The following RARB variants were observed in gnomAD, a reference collection of about 807,000 sequenced individuals.
RARB encodes retinoic acid receptor beta.
Under a neutral mutation model 51.9 loss-of-function variants are expected in RARB, and 17 were observed. That is an observed-to-expected ratio of 0.33 (90% CI 0.22 to 0.49). The LOEUF (loss-of-function observed/expected upper bound fraction) is 0.49, where lower values mean the gene tolerates loss of function less well. Ranked by LOEUF, RARB falls within the 20% of genes least tolerant of loss-of-function variation. The pLI, the probability that RARB is intolerant of heterozygous loss-of-function variation, is 0.99. For synonymous variants in RARB, 215 were observed against 195.4 expected (o/e 1.10, Z -0.84); for missense variants, 369 against 550.8 (o/e 0.67, Z 3.30).
At chr3:25,186,940 T>TGTGTGTGTGTGTGTGTGTG (rs1553641069) in intron 5 of RARB, among the ~76,000 whole-genome samples, 1 of 148,464 alleles carries the variant, frequency 6.7e-6, no homozygotes, top group African/African-American at 2.5e-5. Flanking sequence ...TGTGTGTGTG[T>TGTGTGTGTGTGTGTGTGTG]TTTCCTGCTA....
intron 2 of RARB, among the ~76,000 whole-genome samples, chr3:24,957,504 A>G (rs535398037): frequency 1.3e-5 from 2 of 152,240 alleles, no homozygotes; most frequent in Non-Finnish European, 2.9e-5. Flanking sequence ...GACCAAAGAA[A>G]AAGATCCAGT....
rs929637799 is a variant in RARB at position 25,207,478 on chromosome 3, A to G, written c.178+32903A>G. Among the ~76,000 whole-genome samples, 6 of 152,366 alleles carry G rather than the reference A, an allele frequency of 3.9e-5. No homozygotes were observed. The South Asian group carries it at 6.2e-4, about 16-fold the overall frequency. ...TTCTGAATAATAGTAGGAAGGTTAT[A>G]TATCAAACACAGGTTATATATAAAA... On this transcript the variant is annotated intron_variant, in intron 5 of 11. Transcript: ENST00000383772.
At chr3:24,864,300 C>G (rs1053596888) in intron 2 of RARB, among the ~76,000 whole-genome samples, 61 of 152,240 alleles carry the variant, frequency 4.0e-4, no homozygotes, top group African/African-American at 1.4e-3. Context: ...TTTATCTTAT[C>G]GACCTGGTTC....
chr3:25,158,996 C>T (rs1039114680), intron 4 of RARB, among the ~76,000 whole-genome samples: 15 of 151,786 alleles, frequency 9.9e-5, no homozygotes, highest in African/African-American at 3.4e-4. Flanking sequence ...GGCCAGAGCT[C>T]GGTCTTATGC....
At chr3:25,429,486 G>A (rs1164927446) in intron 1 of RARB, among the ~76,000 whole-genome samples, 3 of 152,132 alleles carry the variant, frequency 2.0e-5, no homozygotes, top group Non-Finnish European at 4.4e-5. Flanking sequence ...TCTTAGCATT[G>A]ACCCTGCTGC....
chr3:25,447,732 T>C (rs7647962), intron 1 of RARB, among the ~76,000 whole-genome samples: 1 of 152,166 alleles, frequency 6.6e-6, no homozygotes, highest in Non-Finnish European at 1.5e-5. Flanking sequence ...AGAGCACTTC[T>C]GATTAATGCC....
At chr3:25,512,339 C>T (rs767099325) in intron 3 of RARB, among the ~76,000 whole-genome samples, 6 of 152,150 alleles carry the variant, frequency 3.9e-5, no homozygotes, top group African/African-American at 1.2e-4. Context: ...TCAAATCTAC[C>T]CCCACAAAGC....
chr3:25,002,134 A>G (rs544572986), intron 2 of RARB, among the ~76,000 whole-genome samples: 1 of 152,240 alleles, frequency 6.6e-6, no homozygotes, highest in East Asian at 1.9e-4. Context: ...TGGGCTCCTG[A>G]AGTTAAAATG....
rs571035119 is a variant in RARB at position 25,482,700 on chromosome 3, C to T, written c.307-18482C>T. Among the ~76,000 whole-genome samples the T allele has an allele frequency of 7.3e-5, 11 of 151,482 alleles. No individual in the cohort carries two copies. In the East Asian group the frequency reaches 7.8e-4, roughly 11 times the overall value. ...GACTACAGGCGCGTGCCACCATGCC[C>T]GGCTATTTTTTTGTATTTTTAGTAG... On this transcript the variant is annotated intron_variant, in intron 2 of 7. Transcript: ENST00000330688.
chr3:25,211,655 C>A (rs865982438), intron 5 of RARB, among the ~76,000 whole-genome samples: 11 of 152,066 alleles, frequency 7.2e-5, no homozygotes, highest in African/African-American at 2.4e-4. Flanking sequence ...GATTGACAAA[C>A]TTTTTTTTAT....
chr3:25,558,891 C>T (rs927138534), intron 3 of RARB, among the ~76,000 whole-genome samples: 2 of 152,050 alleles, frequency 1.3e-5, no homozygotes, highest in Admixed American at 1.3e-4. Flanking sequence ...GCATATTTTT[C>T]CTTGCGGTGA....
chr3:25,329,804 G>A (rs966135011), intron 5 of RARB, among the ~76,000 whole-genome samples: 2 of 152,162 alleles, frequency 1.3e-5, no homozygotes, highest in African/African-American at 4.8e-5. Flanking sequence ...AATAACCAGT[G>A]TAGAGAAGTC....
chr3:25,388,985 A>G lies in RARB; in HGVS notation c.179-72208A>G, dbSNP rs927931482. Among the ~76,000 whole-genome samples the G allele has an allele frequency of 2.0e-5, 3 of 152,200 alleles. No individual in the cohort carries two copies. The East Asian group carries it at 5.8e-4, about 29-fold the overall frequency. On this transcript the variant is annotated intron_variant, in intron 5 of 11. Transcript: ENST00000383772. The stretch of plus-strand genomic sequence containing the variant: ...TGAATAGAAACACATCCTTTTGAAT[A>G]CAATAGAGGACAGAAACATAATGCC...
intron 3 of RARB, among the ~76,000 whole-genome samples, chr3:25,068,236 C>A (rs185293861): frequency 1.3e-5 from 2 of 149,520 alleles, no homozygotes; most frequent in Non-Finnish European, 3.0e-5. Flanking sequence ...TCTGAGTGTA[C>A]CTCCCCCACC....
chr3:24,962,407 C>T (rs779019625), intron 2 of RARB, among the ~76,000 whole-genome samples: 5 of 152,144 alleles, frequency 3.3e-5, no homozygotes, highest in Non-Finnish European at 7.4e-5. Flanking sequence ...TCAGTCCTGA[C>T]AATCAGATAT....
At chr3:25,528,668 C>T (rs1353570818) in intron 3 of RARB, among the ~76,000 whole-genome samples, 1 of 152,006 alleles carries the variant, frequency 6.6e-6, no homozygotes, top group Non-Finnish European at 1.5e-5. Flanking sequence ...TGGAAGGGCC[C>T]ATTCCTCTCA....
intron 1 of RARB, among the ~76,000 whole-genome samples, chr3:24,839,922 G>A (rs533571348): frequency 1.3e-5 from 2 of 152,246 alleles, no homozygotes; most frequent in Admixed American, 6.5e-5. Flanking sequence ...AGGTTCATAA[G>A]GTTTTAGAAA....
chr3:25,013,880 C>T (rs1399136100), intron 2 of RARB, among the ~76,000 whole-genome samples: 3 of 152,056 alleles, frequency 2.0e-5, no homozygotes, highest in Admixed American at 2.0e-4. Flanking sequence ...CTAAAACTAG[C>T]TTAAACATAA....
chr3:24,953,640 T>C (rs1334860408), intron 2 of RARB, among the ~76,000 whole-genome samples: 6 of 152,214 alleles, frequency 3.9e-5, no homozygotes, highest in Admixed American at 3.3e-4. Context: ...ACTGAATAGA[T>C]AGTAGATAAA....
Sources: allele counts gnomAD v4.1 joint callset (sites outside exome capture counted in the v4.1 genomes callset), GRCh38; gene constraint gnomAD v4.1.1; transcripts MANE v1.5; gene names NCBI Gene and HGNC (gene_info 2026-07-23, HGNC 2026-07-21).